The following INCENP variants were observed in gnomAD, a reference collection of about 807,000 sequenced individuals.
INCENP encodes binds and activates aurora-B and -C in vivo and in vitro.
In INCENP, 43 loss-of-function variants were observed where a neutral mutation model predicts 107.3. The observed-to-expected ratio is 0.40, with a 90% CI of 0.31 to 0.52. The LOEUF (loss-of-function observed/expected upper bound fraction) is 0.52, where lower values mean the gene tolerates loss of function less well. Ranked by LOEUF, INCENP falls within the 20% of genes least tolerant of loss-of-function variation. The pLI is 0.53. For missense variants in INCENP, 1,089 were observed against 1,250.9 expected (o/e 0.87, Z 1.95); for synonymous variants, 488 against 494.4 (o/e 0.99, Z 0.17).
chr11:62,128,707 G>C, intron 2 of INCENP, 63 bp from the exon 3 acceptor site: 1 of 1,153,966 alleles, frequency 8.7e-7, no homozygotes, highest in South Asian at 1.2e-5. Flanking sequence ...GGCCAGGCTG[G>C]GTGGGAGAGG....
chr11:62,127,043 G>T (rs7937601), intron 1 of INCENP, among the ~76,000 whole-genome samples: 29,093 of 145,448 alleles, frequency 0.2, 3,277 homozygotes, highest in Non-Finnish European at 0.26. Flanking sequence ...TTTTTGTTTT[G>T]TTTTTTTTTT....
At chr11:62,126,039 G>C (rs1372494852) in intron 1 of INCENP, among the ~76,000 whole-genome samples, 2 of 152,188 alleles carry the variant, frequency 1.3e-5, no homozygotes, top group Non-Finnish European at 2.9e-5. Context: ...GGCAGAGCTT[G>C]TTGAGGAACA....
intron 2 of INCENP, 88 bp downstream of exon 2, chr11:62,128,389 C>A: frequency 6.8e-7 from 1 of 1,460,384 alleles, no homozygotes; most frequent in Non-Finnish European, 9.5e-7. Context: ...CTCGTCCCCG[C>A]CTACCTGGCA....
Position 62,130,377 on chromosome 11 carries a change from C to T in INCENP, c.850C>T (p.Pro284Ser), listed in dbSNP as rs766158526. ...DSPWRERVLA[P>S]ILPDNFSTPT... Reference sequence around the variant, plus strand: ...TCCATGGCGGGAGCGGGTGCTGGCTCCCATCCTGCCGGATAACTTCTCCAC... The same window carrying T: ...TCCATGGCGGGAGCGGGTGCTGGCTTCCATCCTGCCGGATAACTTCTCCAC... The change falls in exon 4 of 19, where the codon CCC (proline) becomes TCC (serine). Residue 284 changes from proline to serine, a missense_variant. Pro to Ser is a moderately conservative substitution (Grantham distance 74). Transcript: ENST00000394818. 9.9e-6 allele frequency: 16 copies of T among 1,612,596 alleles called. No individual in the cohort carries two copies. In the South Asian group the frequency reaches 1.5e-4, roughly 15 times the overall value.
Position 62,138,768 on chromosome 11 carries a change from G to C in INCENP, c.1171G>C (p.Glu391Gln), listed in dbSNP as rs1470266210. Reference protein sequence around the residue: ...EAEPVAAAEPEVPENNGNNSW... With the variant: ...EAEPVAAAEPQVPENNGNNSW... Reference sequence around the variant, plus strand: ...TGAGCCTGTGGCGGCAGCTGAGCCAGAGGTAAGACGGCTGCCTGGGGAAGG... The same window carrying C: ...TGAGCCTGTGGCGGCAGCTGAGCCACAGGTAAGACGGCTGCCTGGGGAAGG... Residue 391 changes from glutamate (E) to glutamine (Q), a missense_variant and splice_region_variant, in exon 6 of 19, where the codon GAG becomes CAG. By Grantham distance (29) the Glu-to-Gln change is conservative. Transcript: ENST00000394818. 2 of 1,613,952 alleles carry C rather than the reference G, an allele frequency of 1.2e-6. No homozygotes were observed.
rs148320735 is a variant in INCENP, at chr11:62,130,368, G to T, written c.841G>T (p.Val281Leu). The T allele has an allele frequency of 4.5e-5, 72 of 1,612,464 alleles. 1 individual carries two copies. The African/African-American group carries it at 7.2e-4, about 16-fold the overall frequency. Residue 281 changes from valine to leucine, a missense_variant, in exon 4 of 19, where the codon GTG (valine) becomes TTG (leucine). By Grantham distance (32) the Val-to-Leu change is conservative. Coordinates refer to ENST00000394818, the MANE Select transcript of INCENP (RefSeq NM_001040694.2). Reference protein sequence around the residue: ...AFPDSPWRERVLAPILPDNFS... With the variant: ...AFPDSPWRERLLAPILPDNFS... ...TCCAGATTCTCCATGGCGGGAGCGG[G>T]TGCTGGCTCCCATCCTGCCGGATAA...
In INCENP at chr11:62,140,236, G is replaced by T. The variant is rs141138727; in HGVS notation, c.1294G>T (p.Ala432Ser). 1 of 1,613,396 alleles carries T rather than the reference G, an allele frequency of 6.2e-7. No individual in the cohort carries two copies. The highest frequency in any genetic ancestry group is 1.3e-5 in the African/African-American group (1 of 74,848). The change falls in exon 8 of 19, where the codon GCC becomes TCC. Residue 432 changes from alanine to serine, a missense_variant and splice_region_variant. Coordinates refer to ENST00000394818, the MANE Select transcript of INCENP (RefSeq NM_001040694.2). ...PETPSAGQQE[A>S]KTDQADGPRE... ...TGCTGAAATTGCTGTCTTCACAGAG[G>T]CCAAGACGGACCAAGCAGATGGACC...
chr11:62,131,283 C>T (rs1349188345), intron 4 of INCENP, among the ~76,000 whole-genome samples: 3 of 152,202 alleles, frequency 2.0e-5, no homozygotes, highest in East Asian at 1.9e-4. Context: ...TGCCTGTCAA[C>T]TGGGGCTAAT....
intron 4 of INCENP, among the ~76,000 whole-genome samples, chr11:62,132,029 T>G (rs1314587304): frequency 6.6e-6 from 1 of 152,304 alleles, no homozygotes; most frequent in Middle Eastern, 3.4e-3. Context: ...CCTCAAGTGA[T>G]TCACCCGCCT....
chr11:62,148,887 G>A (rs1438717172), intron 17 of INCENP, 41 bp downstream of exon 17: 1 of 1,340,900 alleles, frequency 7.5e-7, no homozygotes, highest in Admixed American at 2.0e-5. Context: ...CAGGTGGAGG[G>A]GCCCACTCTA....
At chr11:62,148,662 A>G in intron 16 of INCENP, 77 bp from the exon 17 acceptor site, 2 of 1,266,568 alleles carry the variant, frequency 1.6e-6, no homozygotes. Context: ...AGGGAGGAGA[A>G]TGGAGCGGAG....
chr11:62,152,109 C>T lies in INCENP; in HGVS notation c.*133C>T, dbSNP rs533731756. The T allele has an allele frequency of 1.6e-4, 70 of 436,948 alleles. 1 individual carries two copies. The highest frequency in any genetic ancestry group is 9.2e-4 in the African/African-American group (42 of 45,410). The allele number at this position is 436,948 out of a possible 1,614,324, so 27.1% of individuals were successfully genotyped here. A position where few individuals can be genotyped will look rare whatever the true frequency, so the allele number is the denominator to read the frequency against. On this transcript the variant is annotated 3_prime_UTR_variant, in exon 19 of 19. Transcript: ENST00000394818. ...GAGGGCTTGGCCAGGTGTATATAAA[C>T]GTCCTCTGTGCTGGGTGTTTCTGCT...
chr11:62,138,040 G>A, intron 5 of INCENP, 157 bp downstream of exon 5: 2 of 687,562 alleles, frequency 2.9e-6, no homozygotes, highest in South Asian at 1.7e-5. Flanking sequence ...ACCAGGCAGT[G>A]AGTGATGTGG....
At chr11:62,140,570 C>T in intron 8 of INCENP, 134 bp from the exon 9 acceptor site, 1 of 770,222 alleles carries the variant, frequency 1.3e-6, no homozygotes, top group Middle Eastern at 3.7e-4. Context: ...CAGAGGGTTG[C>T]TTAGGCTCTG....
At position 62,128,754 on chromosome 11, in the gene INCENP, T is replaced by A; in HGVS notation, c.141-16T>A. 6.3e-7 allele frequency: 1 copy of A among 1,586,250 alleles called. No homozygotes were observed. The highest frequency in any genetic ancestry group is 8.7e-7 in the Non-Finnish European group (1 of 1,154,614). On this transcript the variant is annotated splice_polypyrimidine_tract_variant and intron_variant, in intron 2 of 18. Coordinates refer to ENST00000394818, the MANE Select transcript of INCENP (RefSeq NM_001040694.2). ...TCCCAGGCAGCCTCGAGTGACACCC[T>A]CCTTGTGCCAAACAGAGAATTCAGC...
chr11:62,129,163 G>A (rs1177743640), intron 3 of INCENP, among the ~76,000 whole-genome samples: 2 of 152,196 alleles, frequency 1.3e-5, no homozygotes, highest in Admixed American at 6.5e-5. Flanking sequence ...TCCGTAGGTG[G>A]GATGAGAAAG....
intron 17 of INCENP, among the ~76,000 whole-genome samples, chr11:62,149,423 G>A (rs929955836): frequency 6.6e-6 from 1 of 152,106 alleles, no homozygotes; most frequent in Admixed American, 6.6e-5. Flanking sequence ...ACAAAACAAT[G>A]TTTTCATTGC....
At chr11:62,144,655 A>G in intron 11 of INCENP, 4 of 603,782 alleles carry the variant, frequency 6.6e-6, no homozygotes, top group Non-Finnish European at 1.3e-5. Context: ...TTTCTTTTTC[A>G]ATGCACAGTT....
intron 4 of INCENP, among the ~76,000 whole-genome samples, chr11:62,135,260 GT>G (rs113510338): frequency 2.0e-5 from 3 of 150,688 alleles, no homozygotes; most frequent in African/African-American, 7.3e-5. Context: ...ACTTTGTTTT[GT>G]TTTTTTTTGT....
Sources: gnomAD v4.1 joint callset for allele counts (sites outside exome capture counted in the v4.1 genomes callset) on GRCh38, gnomAD v4.1.1 for gene constraint, MANE v1.5 for transcripts, NCBI Gene and HGNC (gene_info 2026-07-23, HGNC 2026-07-21) for gene names.